The following PKD1L3 variants were observed in gnomAD, a reference collection of about 807,000 sequenced individuals.
PKD1L3 encodes polycystin-1-like protein 3.
Under a neutral mutation model 184.1 loss-of-function variants are expected in PKD1L3, and 239 were observed. The ratio of observed to expected loss-of-function variants is 1.30; its 90% confidence interval spans 1.17 to 1.45. PKD1L3 has a LOEUF of 1.45. Among genes scored for constraint, PKD1L3 ranks in the 40% most tolerant of loss-of-function variants. The pLI is 0.00. For synonymous variants in PKD1L3, 996 were observed against 778.8 expected, an observed-to-expected ratio of 1.28 and a Z score of -4.64; for missense variants, 2,660 against 2,067.2, an observed-to-expected ratio of 1.29 and a Z score of -5.56.
chr16:71,978,412 C>A, intron 9 of PKD1L3, 29 bp from the exon 10 acceptor site: 1 of 1,528,902 alleles, frequency 6.5e-7, no homozygotes, highest in Non-Finnish European at 8.8e-7. Context: ...CCAGTTTTAT[C>A]CATTGCTGAA....
At chr16:71,952,306 G>A (rs2038867908) in intron 18 of PKD1L3, among the ~76,000 whole-genome samples, 1 of 147,034 alleles carries the variant, frequency 6.8e-6, no homozygotes, top group African/African-American at 2.5e-5. Flanking sequence ...TCCGCCTCCT[G>A]GGTTCAAGTG....
Position 71,967,297 on chromosome 16 carries a change from C to T in PKD1L3, c.2305G>A (p.Gly769Arg), listed in dbSNP as rs760294955. The T allele has an allele frequency of 3.2e-6, 5 of 1,550,906 alleles. No homozygotes were observed. In the East Asian group the frequency reaches 1.2e-4, roughly 38 times the overall value. The change falls in exon 15 of 30, where the codon GGA (glycine) becomes AGA (arginine). Residue 769 changes from glycine (G) to arginine (R), a missense_variant. Transcript: ENST00000620267. ...TGGGGCTCACTCCGTCCCTCTGATC[C>T]ATAGAGGGTGATGACAACCTACAAT... ...TTAKVVITLYGSEGRSEPHHL... is the reference protein window; with the variant it reads ...TTAKVVITLYRSEGRSEPHHL...
chr16:71,991,068 AAAGGT>A (rs1209936616), intron 3 of PKD1L3: 3 of 153,470 alleles, frequency 2.0e-5, no homozygotes, highest in African/African-American at 7.2e-5. Context: ...TTCAGCTTGA[AAAGGT>A]AAGATGACAG....
At position 71,967,138 on chromosome 16, in the gene PKD1L3, A is replaced by T; in HGVS notation, c.2464T>A (p.Trp822Arg). ...AGCCAACAGGATATAAGTACTCACC[A>T]GGAGGGACTGACGCCAGAATTGTCA... The part of the protein sequence containing the change: ...WHDNSGVSPS[W>R]YVSQVIVCDM... The change falls in exon 15 of 30, where the codon TGG (tryptophan) becomes AGG (arginine). Residue 822 changes from tryptophan (W) to arginine (R), a missense_variant and splice_region_variant. Coordinates refer to ENST00000620267, the MANE Select transcript of PKD1L3 (RefSeq NM_181536.2). The T allele has an allele frequency of 1.3e-6, 2 of 1,551,476 alleles. No homozygotes were observed. The highest frequency in any genetic ancestry group is 2.7e-5 in the African/African-American group (2 of 73,188).
chr16:71,970,482 G>A (rs2143621469), intron 12 of PKD1L3, among the ~76,000 whole-genome samples: 1 of 152,206 alleles, frequency 6.6e-6, no homozygotes, highest in Admixed American at 6.5e-5. Context: ...AGTAAGCAGA[G>A]GCAAACTGAT....
chr16:71,951,793 A>G, intron 18 of PKD1L3, 49 bp from the exon 19 acceptor site: 2 of 1,498,938 alleles, frequency 1.3e-6, no homozygotes, highest in Non-Finnish European at 1.8e-6. Context: ...TCATTAACCC[A>G]GGATTTGTAC....
rs192931662 is a variant in PKD1L3, at chr16:71,986,565, T to C, written c.586-96A>G. 2.2e-5 allele frequency: 29 copies of C among 1,327,424 alleles called. No homozygotes were observed. In the East Asian group the frequency reaches 6.9e-4, roughly 31 times the overall value. 82.2% of individuals were successfully genotyped at this position (1,327,424 alleles called of 1,614,324 possible). A position where few individuals can be genotyped will look rare whatever the true frequency, so the allele number is the denominator to read the frequency against. On this transcript the variant is annotated intron_variant, in intron 4 of 29. Coordinates refer to ENST00000620267, the MANE Select transcript of PKD1L3 (RefSeq NM_181536.2). ...CCCCAAATACTCTGAAACTCTGTCC[T>C]ATGAGATACTAATAGGCATTTCTGT...
intron 13 of PKD1L3, 54 bp from the exon 14 acceptor site, chr16:71,968,061 C>T: frequency 1.4e-6 from 2 of 1,396,790 alleles, no homozygotes; most frequent in Non-Finnish European, 2.0e-6. Context: ...GGTATAGTTC[C>T]TGCCTCCTCC....
chr16:71,946,301 C>T (rs1017131852), intron 22 of PKD1L3, among the ~76,000 whole-genome samples: 2 of 143,508 alleles, frequency 1.4e-5, no homozygotes, highest in African/African-American at 4.9e-5. Context: ...TGCTGTGTAC[C>T]CCTCTGTGAT....
chr16:71,939,849 A>G (rs1342640052), intron 24 of PKD1L3, among the ~76,000 whole-genome samples: 3 of 152,216 alleles, frequency 2.0e-5, no homozygotes, highest in Admixed American at 1.3e-4. Flanking sequence ...AAATGCCACT[A>G]TAATGAAAGT....
intron 3 of PKD1L3, among the ~76,000 whole-genome samples, chr16:71,992,781 A>T (rs890325053): frequency 2.0e-5 from 3 of 152,186 alleles, no homozygotes; most frequent in African/African-American, 7.2e-5. Context: ...CTTTAAATCG[A>T]TCTGTTTCAC....
chr16:71,971,092 GA>G (rs1168862927), intron 12 of PKD1L3, among the ~76,000 whole-genome samples: 7 of 152,146 alleles, frequency 4.6e-5, no homozygotes, highest in Non-Finnish European at 1.0e-4. Context: ...AATATTCGGT[GA>G]AAGAATGAAT....
At chr16:71,933,361 C>T in intron 28 of PKD1L3, 59 bp downstream of exon 28, 3 of 1,302,784 alleles carry the variant, frequency 2.3e-6, no homozygotes, top group Non-Finnish European at 2.2e-6. Flanking sequence ...ATAAGGACCC[C>T]CCCAATTTTC....
chr16:71,977,370 T>A lies in PKD1L3; in HGVS notation c.1625A>T (p.Glu542Val). ...LTITVNVTSL[E>V]KSLIVSIDPD... is the part of the protein sequence containing the mutation. ...ATCTATGCTCACTATCAAGGATTTC[T>A]CCAAGGAAGTGACGTTCACTGTGAT... Residue 542 changes from glutamate (E) to valine (V), a missense_variant, in exon 11 of 30, where the codon GAG becomes GTG. Transcript: ENST00000620267. The A allele has an allele frequency of 6.4e-7, 1 of 1,550,878 alleles. No homozygotes were observed. Among genetic ancestry groups the A allele is most frequent in the Non-Finnish European group, 8.7e-7 (1 of 1,146,266 alleles).
intron 3 of PKD1L3, among the ~76,000 whole-genome samples, chr16:71,991,864 C>G (rs2040603445): frequency 6.6e-6 from 1 of 152,212 alleles, no homozygotes; most frequent in African/African-American, 2.4e-5. Flanking sequence ...AAAAGGATGC[C>G]TGGAGTGCGG....
rs747613598 is a variant in PKD1L3, at chr16:71,999,803, G to T, written c.176C>A (p.Ala59Asp). The T allele has an allele frequency of 1.8e-5, 28 of 1,551,558 alleles. No individual in the cohort carries two copies. Among genetic ancestry groups the T allele is most frequent in the Non-Finnish European group, 8.7e-7 (1 of 1,146,996 alleles). Residue 59 changes from alanine (A) to aspartate (D), a missense_variant, in exon 1 of 30, where the codon GCT becomes GAT. Ala to Asp is a moderately radical substitution (Grantham distance 126). Coordinates refer to ENST00000620267, the MANE Select transcript of PKD1L3 (RefSeq NM_181536.2). ...HYCHVQRGFL[A>D]HIWNKEVQDL... The stretch of plus-strand genomic sequence containing the variant: ...TTGAACTTCCTTGTTCCAAATATGA[G>T]CTAGGAATCCTCTCTGCACATGACA...
chr16:71,964,910 G>A (rs950615497), intron 15 of PKD1L3, among the ~76,000 whole-genome samples: 27 of 149,628 alleles, frequency 1.8e-4, no homozygotes, highest in African/African-American at 3.4e-4. Flanking sequence ...GCAGCGGTGC[G>A]ATCTTGGCTC....
At chr16:71,974,643 C>G (rs999461495) in intron 11 of PKD1L3, among the ~76,000 whole-genome samples, 1 of 152,176 alleles carries the variant, frequency 6.6e-6, no homozygotes, top group African/African-American at 2.4e-5. Flanking sequence ...GAGATCGCAC[C>G]ACTGCGCTCC....
At chr16:71,944,395 C>G (rs1245535954) in intron 22 of PKD1L3, among the ~76,000 whole-genome samples, 1 of 152,118 alleles carries the variant, frequency 6.6e-6, no homozygotes, top group Non-Finnish European at 1.5e-5. Context: ...AAATGAGTTA[C>G]TAGGCTGAAC....
Sources: gnomAD v4.1 joint callset for allele counts (sites outside exome capture counted in the v4.1 genomes callset) on GRCh38, gnomAD v4.1.1 for gene constraint, MANE v1.5 for transcripts, NCBI Gene and HGNC (gene_info 2026-07-23, HGNC 2026-07-21) for gene names.